The following EPPK1 variants were observed in gnomAD, a reference collection of about 807,000 sequenced individuals.
EPPK1 encodes the protein epiplakin 1, also known as epiplakin.
For missense variants in EPPK1, 3,823 were observed against 3,673.3 expected (o/e 1.04, Z -1.05); for synonymous variants, 1,862 against 1,721.2 (o/e 1.08, Z -2.03).
chr8:143,867,032 T>C lies in EPPK1; in HGVS notation c.6222A>G (p.Pro2074=), dbSNP rs781923229. The C allele has an allele frequency of 6.2e-7, 1 of 1,612,856 alleles. No homozygotes were observed. Among genetic ancestry groups the C allele is most frequent in the Non-Finnish European group, 8.5e-7 (1 of 1,179,850 alleles). ...SYRELQERCR[P]QEDTGWLLFP... is the part of the protein sequence containing the mutation. ...ACAGCAGCCAGCCCGTGTCCTCTTG[T>C]GGGCGGCACCTCTCCTGCAGCTCTC... is the stretch of plus-strand genomic sequence containing the variant. The change falls in exon 2 of 2, where the codon CCA becomes CCG. Residue 2074 remains proline, a synonymous_variant. Coordinates refer to ENST00000615648, the MANE Select transcript of EPPK1 (RefSeq NM_031308.4).
Position 143,867,944 on chromosome 8 carries a change from A to G in EPPK1, c.5310T>C (p.Asn1770=). ...IKKGENYVYI[N]EATRHVLQSR... ...ATTGCAACACGTGTCTCGTGGCCTC[A>G]TTGATGTACACGTAGTTTTCTCCTT... Residue 1770 remains asparagine (N), a synonymous_variant, in exon 2 of 2, where the codon AAT becomes AAC. Coordinates refer to ENST00000615648, the MANE Select transcript of EPPK1 (RefSeq NM_031308.4). 1.2e-6 allele frequency: 2 copies of G among 1,613,588 alleles called. No homozygotes were observed. Among genetic ancestry groups the G allele is most frequent in the South Asian group, 1.1e-5 (1 of 91,070 alleles).
chr8:143,876,823 G>C (rs561963458), intron 1 of EPPK1, among the ~76,000 whole-genome samples: 2 of 152,224 alleles, frequency 1.3e-5, no homozygotes, highest in South Asian at 4.1e-4. Context: ...GAAATGAGAG[G>C]AGCACCTGAT....
rs12543389 is a variant in EPPK1 at position 143,871,023 on chromosome 8, T to C, written c.2231A>G (p.Tyr744Cys). 0.16 allele frequency: 261,207 copies of C among 1,613,138 alleles called. 22,974 individuals are homozygous for C. Among genetic ancestry groups the C allele is most frequent in the Non-Finnish European group, 0.18 (209,344 of 1,179,940 alleles). The change falls in exon 2 of 2, where the codon TAC becomes TGC. Residue 744 changes from tyrosine (Y) to cysteine (C), a missense_variant. By Grantham distance (194) the Tyr-to-Cys change is radical. Transcript: ENST00000615648. Reference protein sequence around the residue: ...HSHRVPVDVAYRRGYFDQMLN... With the variant: ...HSHRVPVDVACRRGYFDQMLN... Reference sequence around the variant, plus strand: ...CATCTGATCGAAGTAGCCGCGCCGGTAGGCCACGTCCACGGGCACGCGGTG... The same window carrying C: ...CATCTGATCGAAGTAGCCGCGCCGGCAGGCCACGTCCACGGGCACGCGGTG...
chr8:143,857,993 T>TAG lies in EPPK1; in HGVS notation c.15259_15260dup (p.Gln5088TyrfsTer51), dbSNP rs782277909. The TAG allele has an allele frequency of 3.9e-4, 616 of 1,599,050 alleles. 4 individuals are homozygous for TAG. Among genetic ancestry groups the TAG allele is most frequent in the Non-Finnish European group, 7.6e-5 (89 of 1,171,734 alleles). ...CTGCACGGAGGAAGCCCAGTCACTG[T>TAG]AGAGAGAGAGAAAGAAATAGGAGCC... On this transcript the variant is annotated frameshift_variant, in exon 2 of 2. Coordinates refer to ENST00000615648, the MANE Select transcript of EPPK1 (RefSeq NM_031308.4). LOFTEE classifies it high-confidence loss of function.
At position 143,871,270 on chromosome 8, in the gene EPPK1, G is replaced by A. The variant is rs781815184; in HGVS notation, c.1984C>T (p.His662Tyr). ...GCCCTCAGTGCCTCCTCAACGGAGT[G>A]CCCCTTGTTTGCTTTTGGGTCGATG... ...FIIDPKANKGHSVEEALRAAV... is the reference protein window; with the variant it reads ...FIIDPKANKGYSVEEALRAAV... Residue 662 changes from histidine (H) to tyrosine (Y), a missense_variant, in exon 2 of 2, where the codon CAC becomes TAC. His to Tyr is a moderately conservative substitution (Grantham distance 83). Transcript: ENST00000615648. The A allele has an allele frequency of 3.7e-5, 59 of 1,612,940 alleles. No individual in the cohort carries two copies. The Admixed American group carries it at 8.8e-4, about 24-fold the overall frequency.
Position 143,871,578 on chromosome 8 carries a change from G to A in EPPK1, c.1676C>T (p.Thr559Ile), listed in dbSNP as rs993823349. The change falls in exon 2 of 2, where the codon ACC becomes ATC. Residue 559 changes from threonine to isoleucine, a missense_variant. By Grantham distance (89) the Thr-to-Ile change is moderately conservative. Coordinates refer to ENST00000615648, the MANE Select transcript of EPPK1 (RefSeq NM_031308.4). ...LEQAAATARV[T>I]FSGLRDTVTP... ...CACGGTGTCCCTCAGCCCAGAAAAG[G>A]TGACCCTGGCAGTGGCTGCAGCCTG... is the stretch of plus-strand genomic sequence containing the variant. 1.2e-6 allele frequency: 2 copies of A among 1,610,038 alleles called. No homozygotes were observed. The highest frequency in any genetic ancestry group is 1.7e-6 in the Non-Finnish European group (2 of 1,178,892).
rs35186960 is a variant in EPPK1 at position 143,857,896 on chromosome 8, C to CAAAAAAAAAAAAAAAAA, written c.*74_*90dup. The stretch of plus-strand genomic sequence containing the variant: ...GTAAAACAACAAAATTAAAGAATGA[C>CAAAAAAAAAAAAAAAAA]AAAAAAAAAAAAAAAAAAAAAAACA... On this transcript the variant is annotated 3_prime_UTR_variant, in exon 2 of 2. Transcript: ENST00000615648. 5.0e-5 allele frequency: 22 copies of CAAAAAAAAAAAAAAAAA among 437,890 alleles called. No homozygotes were observed. Among genetic ancestry groups the CAAAAAAAAAAAAAAAAA allele is most frequent in the African/African-American group, 2.0e-4 (6 of 29,424 alleles). 27.1% of individuals were successfully genotyped at this position (437,890 alleles called of 1,614,324 possible). A position where few individuals can be genotyped will look rare whatever the true frequency, so the allele number is the denominator to read the frequency against.
Position 143,872,234 on chromosome 8 carries a change from G to C in EPPK1, c.1020C>G (p.Asp340Glu). Reference protein sequence around the residue: ...DPITGQRLWVDEAVRAGLVSP... With the variant: ...DPITGQRLWVEEAVRAGLVSP... Reference sequence around the variant, plus strand: ...TGACCAGGCCCGCCCTGACTGCCTCGTCTACCCACAGCCGCTGGCCTGTGA... The same window carrying C: ...TGACCAGGCCCGCCCTGACTGCCTCCTCTACCCACAGCCGCTGGCCTGTGA... Residue 340 changes from aspartate (D) to glutamate (E), a missense_variant, in exon 2 of 2, where the codon GAC becomes GAG. Coordinates refer to ENST00000615648, the MANE Select transcript of EPPK1 (RefSeq NM_031308.4). The C allele has an allele frequency of 6.2e-7, 1 of 1,609,840 alleles. No homozygotes were observed. The highest frequency in any genetic ancestry group is 8.5e-7 in the Non-Finnish European group (1 of 1,178,602).
At chr8:143,878,413 G>GCACCTGCCCGCACCCGCCGCACCTGC (rs1819529638) in intron 1 of EPPK1, 25 bp downstream of exon 1, 1 of 92,146 alleles carries the variant, frequency 1.1e-5, no homozygotes, top group Non-Finnish European at 2.3e-5. Flanking sequence ...CGCCGCACCC[G>GCACCTGCCCGCACCCGCCGCACCTGC]CCGCACCCGC....
In EPPK1 at chr8:143,878,404, G is replaced by GCCGCACCCGC. The variant is rs1819528644; in HGVS notation, c.-46+24_-46+33dup. On this transcript the variant is annotated intron_variant, in intron 1 of 1. Transcript: ENST00000615648. ...GCACCCGCCGCACCTGCCCGCACCC[G>GCCGCACCCGC]CCGCACCCGCCGCACCCGCCGCACC... 11 of 67,460 alleles carry GCCGCACCCGC rather than the reference G, an allele frequency of 1.6e-4. 1 individual carries two copies. The South Asian group carries it at 4.2e-3, about 26-fold the overall frequency. 4.2% of individuals were successfully genotyped at this position (67,460 alleles called of 1,614,324 possible).
In EPPK1 at chr8:143,867,247, C is replaced by T; in HGVS notation, c.6007G>A (p.Ala2003Thr). The T allele has an allele frequency of 1.2e-6, 2 of 1,612,702 alleles. No homozygotes were observed. The highest frequency in any genetic ancestry group is 8.5e-7 in the Non-Finnish European group (1 of 1,179,778). Reference protein sequence around the residue: ...MQKQLIEKAEALRLLEVQVAT... With the variant: ...MQKQLIEKAETLRLLEVQVAT... ...ACCTGCACCTCCAGCAGCCTCAGTG[C>T]CTCCGCCTTCTCGATGAGCTGCTTC... is the stretch of plus-strand genomic sequence containing the variant. Residue 2003 changes from alanine to threonine, a missense_variant, in exon 2 of 2, where the codon GCA becomes ACA. By Grantham distance (58) the Ala-to-Thr change is moderately conservative (BLOSUM62 0). Coordinates refer to ENST00000615648, the MANE Select transcript of EPPK1 (RefSeq NM_031308.4).
chr8:143,868,855 C>T lies in EPPK1; in HGVS notation c.4399G>A (p.Val1467Met), dbSNP rs193109542. The change falls in exon 2 of 2, where the codon GTG becomes ATG. Residue 1467 changes from valine (V) to methionine (M), a missense_variant. By Grantham distance (21) the Val-to-Met change is conservative. Coordinates refer to ENST00000615648, the MANE Select transcript of EPPK1 (RefSeq NM_031308.4). ...GAGAGCAGCAGGTCCCAGAGTGACACGCTACACCCCTTAAACCTCCCTGTG... is the reference window on the plus strand; with the variant it reads ...GAGAGCAGCAGGTCCCAGAGTGACATGCTACACCCCTTAAACCTCCCTGTG... ...VSTGRFKGCS[V>M]SLWDLLLSEY... is the part of the protein sequence containing the mutation. 1,091 of 1,609,144 alleles carry T rather than the reference C, an allele frequency of 6.8e-4. 11 individuals carry two copies. In the Admixed American group the frequency reaches 0.016, roughly 24 times the overall value.
rs781889536 is a variant in EPPK1 at position 143,869,183 on chromosome 8, C to A, written c.4071G>T (p.Gln1357His). The A allele has an allele frequency of 6.2e-7, 1 of 1,609,034 alleles. No individual in the cohort carries two copies. Among genetic ancestry groups the A allele is most frequent in the East Asian group, 2.2e-5 (1 of 44,862 alleles). Residue 1357 changes from glutamine to histidine, a missense_variant, in exon 2 of 2, where the codon CAG becomes CAT. Transcript: ENST00000615648. ...VPQNEGLPLL[Q>H]VQLATGGVVD... ...CCACACCCCCTGTGGCCAGCTGCAC[C>A]TGCAGGAGGGGCAAGCCCTCGTTCT...
intron 1 of EPPK1, among the ~76,000 whole-genome samples, chr8:143,877,219 C>G (rs903737623): frequency 2.0e-5 from 3 of 152,198 alleles, no homozygotes; most frequent in Non-Finnish European, 4.4e-5. Context: ...GGCCCTGCCC[C>G]TTCCCTGGGC....
Position 143,870,568 on chromosome 8 carries a change from C to A in EPPK1, c.2686G>T (p.Gly896Cys), listed in dbSNP as rs373835301. The stretch of plus-strand genomic sequence containing the variant: ...TCCAACAGCTGCTGGTCAATGATAC[C>A]GGCCTCCAGGAGCTGGTGGACGGTG... Reference protein sequence around the residue: ...RVTVHQLLEAGIIDQQLLDQV... With the variant: ...RVTVHQLLEACIIDQQLLDQV... The change falls in exon 2 of 2, where the codon GGT (glycine) becomes TGT (cysteine). Residue 896 changes from glycine to cysteine, a missense_variant. Physicochemically the swap from Gly to Cys is radical, Grantham distance 159. Coordinates refer to ENST00000615648, the MANE Select transcript of EPPK1 (RefSeq NM_031308.4). The surrounding 1 kb of genome is among the most constrained non-coding windows in gnomAD (Gnocchi z 5.2). 6.2e-7 allele frequency: 1 copy of A among 1,611,258 alleles called. No homozygotes were observed. Among genetic ancestry groups the A allele is most frequent in the African/African-American group, 1.3e-5 (1 of 74,996 alleles).
In EPPK1 at chr8:143,867,789, C is replaced by T; in HGVS notation, c.5465G>A (p.Gly1822Glu). ...GATTTCCAGCAATTTCTCCAGGCCC[C>T]CACTCTGGGCTCCATACTCCTGGAT... Reference protein sequence around the residue: ...ELIQEYGAQSGGLEKLLEIIT... With the variant: ...ELIQEYGAQSEGLEKLLEIIT... The change falls in exon 2 of 2, where the codon GGG becomes GAG. Residue 1822 changes from glycine to glutamate, a missense_variant. Coordinates refer to ENST00000615648, the MANE Select transcript of EPPK1 (RefSeq NM_031308.4). 1 of 1,613,674 alleles carries T rather than the reference C, an allele frequency of 6.2e-7. No individual in the cohort carries two copies. Among genetic ancestry groups the T allele is most frequent in the East Asian group, 2.2e-5 (1 of 44,878 alleles).
At position 143,868,862 on chromosome 8, in the gene EPPK1, C is replaced by T. The variant is rs782502076; in HGVS notation, c.4392G>A (p.Gly1464=). The T allele has an allele frequency of 3.7e-6, 6 of 1,609,740 alleles. No individual in the cohort carries two copies. The African/African-American group carries it at 6.7e-5, about 18-fold the overall frequency. The change falls in exon 2 of 2, where the codon GGG becomes GGA. Residue 1464 remains glycine (G), a synonymous_variant. Coordinates refer to ENST00000615648, the MANE Select transcript of EPPK1 (RefSeq NM_031308.4). The part of the protein sequence containing the change: ...KVPVSTGRFK[G]CSVSLWDLLL... Reference sequence around the variant, plus strand: ...GCAGGTCCCAGAGTGACACGCTACACCCCTTAAACCTCCCTGTGCTGACGG... The same window carrying T: ...GCAGGTCCCAGAGTGACACGCTACATCCCTTAAACCTCCCTGTGCTGACGG...
At chr8:143,874,406 C>T (rs534762447) in intron 1 of EPPK1, among the ~76,000 whole-genome samples, 1 of 152,246 alleles carries the variant, frequency 6.6e-6, no homozygotes, top group Non-Finnish European at 1.5e-5. Context: ...AAGGTGAGGT[C>T]ATACCGGGCT....
In EPPK1 at chr8:143,859,329, T is replaced by C. The variant is rs1818991329; in HGVS notation, c.13925A>G (p.Glu4642Gly). The change falls in exon 2 of 2, where the codon GAG (glutamate) becomes GGG (glycine). Residue 4642 changes from glutamate (E) to glycine (G), a missense_variant. By Grantham distance (98) the Glu-to-Gly change is moderately conservative. Transcript: ENST00000615648. ...QAQARAEAEAEAGSPRPDPRE... is the reference protein window; with the variant it reads ...QAQARAEAEAGAGSPRPDPRE... ...GGGGTCTGGGCGCGGGCTCCCGGCCTCGGCCTCGGCCTCGGCCCGGGCCTG... is the reference window on the plus strand; with the variant it reads ...GGGGTCTGGGCGCGGGCTCCCGGCCCCGGCCTCGGCCTCGGCCCGGGCCTG... 4.8e-6 allele frequency: 1 copy of C among 210,314 alleles called. No individual in the cohort carries two copies. The highest frequency in any genetic ancestry group is 9.0e-6 in the Non-Finnish European group (1 of 110,850). 13.0% of individuals were successfully genotyped at this position (210,314 alleles called of 1,614,324 possible). A position where few individuals can be genotyped will look rare whatever the true frequency, so the allele number is the denominator to read the frequency against.
Sources: gnomAD v4.1 joint callset for allele counts (sites outside exome capture counted in the v4.1 genomes callset) on GRCh38, gnomAD v4.1.1 for gene constraint, Gnocchi (gnomAD v3.1) non-coding constraint, MANE v1.5 for transcripts, NCBI Gene and HGNC (gene_info 2026-07-23, HGNC 2026-07-21) for gene names.